Variants in TET3 observed in about 807,000 individuals in gnomAD.
TET3 encodes the protein tet methylcytosine dioxygenase 3, also known as methylcytosine dioxygenase TET3.
TET3 carries 19 observed loss-of-function variants against 141.4 expected under a neutral mutation model. The ratio of observed to expected loss-of-function variants is 0.13; its 90% CI spans 0.09 to 0.20. The LOEUF (loss-of-function observed/expected upper bound fraction) is 0.20, where lower values mean the gene tolerates loss of function less well. TET3 is among the 10% of genes least tolerant of loss of function. TET3 has a pLI of 1.00. For synonymous variants in TET3, 1,043 were observed against 980.9 expected (o/e 1.06, Z -1.18); for missense variants, 1,874 against 2,356.9 (o/e 0.80, Z 4.24).
intron 2 of TET3, among the ~76,000 whole-genome samples, chr2:73,996,950 A>G (rs901276547): frequency 6.6e-6 from 1 of 152,238 alleles, no homozygotes; most frequent in African/African-American, 2.4e-5. Flanking sequence ...ACCAGCATGC[A>G]GCTGGGGCAC....
intron 3 of TET3, among the ~76,000 whole-genome samples, chr2:74,041,892 C>A (rs1004103404): frequency 6.6e-6 from 1 of 152,162 alleles, no homozygotes; most frequent in African/African-American, 2.4e-5. Context: ...AAGTATGAGA[C>A]CCTGTTTACC....
At chr2:73,989,513 TC>T (rs1176438627) in intron 2 of TET3, among the ~76,000 whole-genome samples, 1 of 152,180 alleles carries the variant, frequency 6.6e-6, no homozygotes, top group Admixed American at 6.5e-5. Flanking sequence ...CTTTCCCTGC[TC>T]CTCACTCTTT....
Position 74,101,259 on chromosome 2 carries a change from G to A in TET3, c.4471G>A (p.Gly1491Arg), listed in dbSNP as rs776254165. ...APSHFTDGQWGLFPGEGQQAA... is the reference protein window; with the variant it reads ...APSHFTDGQWRLFPGEGQQAA... ...TTCCCACTTCACAGATGGCCAGTGG[G>A]GGCTGTTCCCCGGTGAGGGGCAGCA... Residue 1491 changes from glycine to arginine, a missense_variant, in exon 12 of 12, where the codon GGG becomes AGG. Gly to Arg is a moderately radical substitution (Grantham distance 125). This residue lies in a region of TET3 where 602 missense variants were observed against 590.2 expected (regional missense o/e 1.02). Transcript: ENST00000409262. The surrounding 1 kb of genome is among the most constrained non-coding windows in gnomAD (Gnocchi z 8.5). 1 of 1,612,696 alleles carries A rather than the reference G, an allele frequency of 6.2e-7. No homozygotes were observed. The highest frequency in any genetic ancestry group is 8.5e-7 in the Non-Finnish European group (1 of 1,179,392).
intron 5 of TET3, among the ~76,000 whole-genome samples, chr2:74,077,736 G>T (rs1689590028): frequency 1.3e-5 from 2 of 152,206 alleles, no homozygotes; most frequent in Admixed American, 6.5e-5. Context: ...GGATGGTGGG[G>T]AAGGTCCTGG....
At chr2:74,053,657 G>C (rs1271690848) in intron 4 of TET3, among the ~76,000 whole-genome samples, 1 of 152,162 alleles carries the variant, frequency 6.6e-6, no homozygotes, top group Non-Finnish European at 1.5e-5. Context: ...CCTTTGCCTG[G>C]AGCATGGTGA....
chr2:74,010,222 A>T (rs1685356592), intron 3 of TET3, among the ~76,000 whole-genome samples: 1 of 152,202 alleles, frequency 6.6e-6, no homozygotes, highest in East Asian at 1.9e-4. Context: ...AGGAGCCAGA[A>T]ACCGGGGCTC....
chr2:74,006,124 G>A (rs753489052), intron 3 of TET3, among the ~76,000 whole-genome samples: 2 of 151,972 alleles, frequency 1.3e-5, no homozygotes, highest in South Asian at 2.1e-4. Flanking sequence ...TGTGATCCTC[G>A]ACTTTCTATA....
chr2:74,046,426 C>CT lies in TET3; in HGVS notation c.510dup (p.Gly171TrpfsTer47). 1 of 1,593,482 alleles carries CT rather than the reference C, an allele frequency of 6.3e-7. No homozygotes were observed. Among genetic ancestry groups the CT allele is most frequent in the Non-Finnish European group, 8.5e-7 (1 of 1,169,628 alleles). On this transcript the variant is annotated frameshift_variant, in exon 4 of 12. Coordinates refer to ENST00000409262, the MANE Select transcript of TET3 (RefSeq NM_001287491.2). LOFTEE classifies it high-confidence loss of function. The surrounding 1 kb of genome is among the most constrained non-coding windows in gnomAD (Gnocchi z 4.3). ...CCCGCTGGACCCAGTCTGCTGGGGA[C>CT]TGGGGGTCCTTGGCGGGTAGACCAA... is the stretch of plus-strand genomic sequence containing the variant.
At chr2:74,099,225 A>G (rs1308548676) in intron 10 of TET3, 51 bp from the exon 11 acceptor site, 7 of 1,494,174 alleles carry the variant, frequency 4.7e-6, no homozygotes, top group Non-Finnish European at 6.3e-6. Context: ...CCTCTCTCCC[A>G]GCACTCGGTC....
chr2:74,003,051 G>T (rs1684948253), intron 2 of TET3, 59 bp from the exon 3 acceptor site: 1 of 1,541,208 alleles, frequency 6.5e-7, no homozygotes, highest in African/African-American at 1.4e-5. Context: ...GTAGCAGGAG[G>T]ACTTTGCTGC....
intron 4 of TET3, among the ~76,000 whole-genome samples, chr2:74,069,145 A>AT (rs11322446): frequency 5.8e-4 from 86 of 148,648 alleles, no homozygotes; most frequent in South Asian, 8.5e-4. Context: ...GTATAGTTTA[A>AT]TTTTTTTTTT....
At chr2:73,988,994 T>TG (rs1386746371) in intron 2 of TET3, among the ~76,000 whole-genome samples, 37 of 135,510 alleles carry the variant, frequency 2.7e-4, no homozygotes, top group African/African-American at 9.7e-4. Context: ...AAAAAAGTTT[T>TG]TTTTGTTTTT....
chr2:73,984,807 G>A (rs1312542189), upstream of TET3, among the ~76,000 whole-genome samples: 2 of 148,322 alleles, frequency 1.3e-5, no homozygotes, highest in South Asian at 2.1e-4. The surrounding 1 kb of genome is among the most constrained non-coding windows in gnomAD (Gnocchi z 5.6). Flanking sequence ...CGCCCGGCCC[G>A]GGGCCCGGCC....
chr2:74,115,921 G>A, the TET3 span, among the ~76,000 whole-genome samples: 1 of 151,482 alleles, frequency 6.6e-6, no homozygotes, highest in Non-Finnish European at 1.5e-5. Flanking sequence ...AGGCAGAGGT[G>A]GGAGGACTGG....
Position 74,075,122 on chromosome 2 carries a change from G to A in TET3, c.2585+1483G>A, listed in dbSNP as rs554859816. Among the ~76,000 whole-genome samples the A allele has an allele frequency of 4.6e-5, 7 of 151,976 alleles. No homozygotes were observed. In the East Asian group the frequency reaches 1.2e-3, roughly 25 times the overall value. On this transcript the variant is annotated intron_variant, in intron 5 of 11. Coordinates refer to ENST00000409262, the MANE Select transcript of TET3 (RefSeq NM_001287491.2). The stretch of plus-strand genomic sequence containing the variant: ...CCTGACCTTGTGATCCGCCCGCCTC[G>A]GCCTCCCAAAGTGCTGGGATTACAG...
At chr2:74,035,669 T>C (rs1325059698) in intron 3 of TET3, among the ~76,000 whole-genome samples, 1 of 146,932 alleles carries the variant, frequency 6.8e-6, no homozygotes, top group African/African-American at 2.5e-5. Context: ...GGAGGTTGCA[T>C]TGAGCCGAGA....
chr2:74,062,184 C>T lies in TET3; in HGVS notation c.2495-11365C>T, dbSNP rs567087073. 1.2e-4 allele frequency among the ~76,000 whole-genome samples: 19 copies of T among 152,258 alleles called. No individual in the cohort carries two copies. The East Asian group carries it at 2.1e-3, about 17-fold the overall frequency. ...CTGCAATCCCGGCACCTCGGGAGGC[C>T]GAGGCTGGCGGATCACTCGCGGTTA... On this transcript the variant is annotated intron_variant, in intron 4 of 11. Coordinates refer to ENST00000409262, the MANE Select transcript of TET3 (RefSeq NM_001287491.2).
At chr2:74,072,710 C>T (rs1689281365) in intron 4 of TET3, among the ~76,000 whole-genome samples, 1 of 152,124 alleles carries the variant, frequency 6.6e-6, no homozygotes, top group Non-Finnish European at 1.5e-5. Context: ...ACTTCATCAG[C>T]CTAAACAGAA....
intron 5 of TET3, among the ~76,000 whole-genome samples, chr2:74,076,441 G>GTTTTTTTTTTTTT (rs70965785): frequency 5.7e-4 from 32 of 56,586 alleles, no homozygotes; most frequent in South Asian, 1.0e-3. Context: ...ATTCCTCTGG[G>GTTTTTTTTTTTTT]TTTTTTTTTT....
Sources: gnomAD v4.1 joint callset for allele counts (sites outside exome capture counted in the v4.1 genomes callset) on GRCh38, gnomAD v4.1.1 for gene constraint, gnomAD v4.1.1 regional missense constraint, Gnocchi (gnomAD v3.1) non-coding constraint, MANE v1.5 for transcripts, NCBI Gene and HGNC (gene_info 2026-07-23, HGNC 2026-07-21) for gene names.